PLAU: variants seen among roughly 807,000 people sequenced by gnomAD.
PLAU encodes the protein urokinase-type plasminogen activator.
PLAU carries 32 observed loss-of-function variants against 48.9 expected under a neutral mutation model. The observed-to-expected ratio is 0.65, with a 90% CI of 0.49 to 0.88. The LOEUF is 0.88. Among genes scored for constraint, PLAU ranks in the 40% least tolerant of loss-of-function variants. PLAU has a pLI of 0.00. For synonymous variants in PLAU, 199 were observed against 205.7 expected (o/e 0.97, Z 0.28); for missense variants, 455 against 545.2 (o/e 0.83, Z 1.65).
In PLAU at chr10:73,916,631, A is replaced by G. The variant is rs2096137679; in HGVS notation, c.*66A>G. On this transcript the variant is annotated 3_prime_UTR_variant, in exon 11 of 11. Coordinates refer to ENST00000372764, the MANE Select transcript of PLAU (RefSeq NM_002658.6). Reference sequence around the variant, plus strand: ...TGGTTGTCATTTTTGCAGTAGAGTCATCTCCATCAGCTGTAAGAAGAGACT... The same window carrying G: ...TGGTTGTCATTTTTGCAGTAGAGTCGTCTCCATCAGCTGTAAGAAGAGACT... 4.7e-6 allele frequency: 6 copies of G among 1,270,604 alleles called. No individual in the cohort carries two copies. In the South Asian group the frequency reaches 6.8e-5, roughly 14 times the overall value. 78.7% of individuals were successfully genotyped at this position (1,270,604 alleles called of 1,614,324 possible).
chr10:73,913,533 C>A lies in PLAU; in HGVS notation c.461-6C>A, dbSNP rs542595564. ...TCCCTAAGACATCCCTCTGTTTGTC[C>A]TCCAGGAAAAAAGCCCTCCTCTCCT... is the stretch of plus-strand genomic sequence containing the variant. On this transcript the variant is annotated splice_polypyrimidine_tract_variant and splice_region_variant and intron_variant, in intron 6 of 10. Transcript: ENST00000372764. 1 of 1,608,968 alleles carries A rather than the reference C, an allele frequency of 6.2e-7. No homozygotes were observed. Among genetic ancestry groups the A allele is most frequent in the East Asian group, 2.2e-5 (1 of 44,804 alleles).
chr10:73,914,815 A>G lies in PLAU; in HGVS notation c.869A>G (p.Gln290Arg), dbSNP rs772150449. ...KIRSKEGRCA[Q>R]PSRTIQTICL... ...CGTTCCAAGGAGGGCAGGTGTGCGC[A>G]GCCATCCCGGACTATACAGACCATC... Residue 290 changes from glutamine to arginine, a missense_variant, in exon 9 of 11, where the codon CAG (glutamine) becomes CGG (arginine). Gln to Arg is a conservative substitution (Grantham distance 43, BLOSUM62 1). Coordinates refer to ENST00000372764, the MANE Select transcript of PLAU (RefSeq NM_002658.6). 3.7e-6 allele frequency: 6 copies of G among 1,614,166 alleles called. No homozygotes were observed. The highest frequency in any genetic ancestry group is 1.3e-5 in the African/African-American group (1 of 75,060).
chr10:73,913,892 A>G, intron 7 of PLAU, 88 bp from the exon 8 acceptor site: 1 of 1,440,322 alleles, frequency 6.9e-7, no homozygotes, highest in African/African-American at 1.4e-5. Context: ...CCTTGGGGAC[A>G]AGTCGTGCTT....
intron 9 of PLAU, 73 bp downstream of exon 9, chr10:73,914,989 A>G: frequency 6.7e-7 from 1 of 1,499,314 alleles, no homozygotes; most frequent in South Asian, 1.2e-5. Context: ...CAGCGTGATC[A>G]AGGGAAGACT....
chr10:73,908,857 C>CAAA (rs11339212), upstream of PLAU, among the ~76,000 whole-genome samples: 6 of 102,646 alleles, frequency 5.8e-5, no homozygotes, highest in African/African-American at 1.8e-4. Flanking sequence ...GACTCCGTCT[C>CAAA]AAAAAAAAAA....
intron 5 of PLAU, 28 bp from the exon 6 acceptor site, chr10:73,913,262 G>A (rs574195820): frequency 6.2e-7 from 1 of 1,611,782 alleles, no homozygotes; most frequent in African/African-American, 1.3e-5. Context: ...GGGTTGGAAT[G>A]ACATCCCCTA....
At chr10:73,913,164 C>G in intron 5 of PLAU, 66 bp downstream of exon 5, 1 of 1,584,024 alleles carries the variant, frequency 6.3e-7, no homozygotes. Context: ...GTTACCATCC[C>G]CTTCTCCCAG....
rs528761202 is a variant in PLAU at position 73,913,637 on chromosome 10, A to C, written c.559A>C (p.Ile187Leu). Residue 187 changes from isoleucine (I) to leucine (L), a missense_variant, in exon 7 of 11, where the codon ATC (isoleucine) becomes CTC (leucine). Ile to Leu is a conservative substitution (Grantham distance 5, BLOSUM62 2). Transcript: ENST00000372764. ...GATTATTGGGGGAGAATTCACCACC[A>C]TCGAGAACCAGCCCTGGTTTGCGGC... is the stretch of plus-strand genomic sequence containing the variant. Reference protein sequence around the residue: ...FKIIGGEFTTIENQPWFAAIY... With the variant: ...FKIIGGEFTTLENQPWFAAIY... 1.2e-6 allele frequency: 2 copies of C among 1,613,870 alleles called. No individual in the cohort carries two copies. The highest frequency in any genetic ancestry group is 2.7e-5 in the African/African-American group (2 of 74,906).
chr10:73,915,662 C>A (rs1209624694), intron 10 of PLAU, among the ~76,000 whole-genome samples: 1 of 151,958 alleles, frequency 6.6e-6, no homozygotes, highest in Non-Finnish European at 1.5e-5. Flanking sequence ...AACTCAGTGC[C>A]CAGGGTGTGT....
intron 1 of PLAU, 43 bp from the exon 2 acceptor site, chr10:73,911,482 C>T: frequency 1.3e-6 from 2 of 1,567,220 alleles, no homozygotes; most frequent in Non-Finnish European, 8.6e-7. Flanking sequence ...GGCCTGCCTT[C>T]CCGTTCCTCC....
intron 6 of PLAU, 69 bp downstream of exon 6, chr10:73,913,450 T>C: frequency 6.4e-7 from 1 of 1,556,432 alleles, no homozygotes; most frequent in South Asian, 1.1e-5. Flanking sequence ...CCTTATTCCA[T>C]CACAGGAGGA....
chr10:73,914,811 G>A lies in PLAU; in HGVS notation c.865G>A (p.Ala289Thr), dbSNP rs1314761139. The A allele has an allele frequency of 6.2e-7, 1 of 1,614,012 alleles. No homozygotes were observed. Among genetic ancestry groups the A allele is most frequent in the African/African-American group, 1.3e-5 (1 of 74,928 alleles). The change falls in exon 9 of 11, where the codon GCG (alanine) becomes ACG (threonine). Residue 289 changes from alanine to threonine, a missense_variant. Ala to Thr is a moderately conservative substitution (Grantham distance 58, BLOSUM62 0). Transcript: ENST00000372764. ...LKIRSKEGRCAQPSRTIQTIC... is the reference protein window; with the variant it reads ...LKIRSKEGRCTQPSRTIQTIC... ...GATCCGTTCCAAGGAGGGCAGGTGTGCGCAGCCATCCCGGACTATACAGAC... is the reference window on the plus strand; with the variant it reads ...GATCCGTTCCAAGGAGGGCAGGTGTACGCAGCCATCCCGGACTATACAGAC...
Position 73,912,917 on chromosome 10 carries a change from C to CT in PLAU, c.194-5dup. Reference sequence around the variant, plus strand: ...TCATATTCTCTCATCCTCCTGTCCCCTTGTAGATAAGTCAAAAACCTGCTA... The same window carrying CT: ...TCATATTCTCTCATCCTCCTGTCCCCTTTGTAGATAAGTCAAAAACCTGCTA... On this transcript the variant is annotated splice_polypyrimidine_tract_variant and splice_region_variant and intron_variant, in intron 4 of 10. Coordinates refer to ENST00000372764, the MANE Select transcript of PLAU (RefSeq NM_002658.6). 6.2e-7 allele frequency: 1 copy of CT among 1,601,564 alleles called. No homozygotes were observed. Among genetic ancestry groups the CT allele is most frequent in the Non-Finnish European group, 8.5e-7 (1 of 1,173,644 alleles).
In PLAU at chr10:73,914,650, C is replaced by T. The variant is rs890470158; in HGVS notation, c.830-126C>T. On this transcript the variant is annotated intron_variant, in intron 8 of 10. Transcript: ENST00000372764. ...GGGAGGTTTCCAGGTGATAAGCGAC[C>T]AGCAGACCTCCCTGGATGACTGACC... 17 of 875,128 alleles carry T rather than the reference C, an allele frequency of 1.9e-5. No homozygotes were observed. In the Admixed American group the frequency reaches 2.4e-4, roughly 12 times the overall value. The allele number at this position is 875,128 out of a possible 1,614,324, so 54.2% of individuals were successfully genotyped here.
Position 73,914,885 on chromosome 10 carries a change from T to C in PLAU, c.939T>C (p.Cys313=), listed in dbSNP as rs1203895660. Residue 313 remains cysteine (C), a synonymous_variant, in exon 9 of 11, where the codon TGT becomes TGC. Coordinates refer to ENST00000372764, the MANE Select transcript of PLAU (RefSeq NM_002658.6). ...MYNDPQFGTS[C]EITGFGKENS... is the part of the protein sequence containing the mutation. ...ACGATCCCCAGTTTGGCACAAGCTG[T>C]GAGATCACTGGCTTTGGAAAAGAGA... 6.2e-7 allele frequency: 1 copy of C among 1,613,488 alleles called. No homozygotes were observed. Among genetic ancestry groups the C allele is most frequent in the Non-Finnish European group, 8.5e-7 (1 of 1,179,410 alleles).
At chr10:73,913,187 A>T (rs1054946224) in intron 5 of PLAU, 89 bp downstream of exon 5, 1 of 1,574,858 alleles carries the variant, frequency 6.3e-7, no homozygotes, top group African/African-American at 1.3e-5. Flanking sequence ...GGCTGGCCAT[A>T]GCACAAGAGA....
Position 73,911,550 on chromosome 10 carries a change from G to T in PLAU, c.-6G>T. Reference sequence around the variant, plus strand: ...AGCCGCCGTCTAGCGCCCCGACCTCGCCACCATGAGAGCCCTGCTGGCGCG... The same window carrying T: ...AGCCGCCGTCTAGCGCCCCGACCTCTCCACCATGAGAGCCCTGCTGGCGCG... On this transcript the variant is annotated 5_prime_UTR_variant, in exon 2 of 11. Transcript: ENST00000372764. 1 of 1,611,984 alleles carries T rather than the reference G, an allele frequency of 6.2e-7. No individual in the cohort carries two copies.
chr10:73,909,513 C>T (rs1056888386), upstream of PLAU, among the ~76,000 whole-genome samples: 2 of 152,186 alleles, frequency 1.3e-5, no homozygotes, highest in African/African-American at 2.4e-5. Flanking sequence ...CACCTGCCTC[C>T]CAAAAGCTGA....
At position 73,916,646 on chromosome 10, in the gene PLAU, A is replaced by C. The variant is rs951858359; in HGVS notation, c.*81A>C. ...CAGTAGAGTCATCTCCATCAGCTGT[A>C]AGAAGAGACTGGGAAGATAGGCTCT... On this transcript the variant is annotated 3_prime_UTR_variant, in exon 11 of 11. Transcript: ENST00000372764. The C allele has an allele frequency of 4.4e-6, 5 of 1,129,746 alleles. No homozygotes were observed. Among genetic ancestry groups the C allele is most frequent in the Non-Finnish European group, 6.3e-6 (5 of 793,164 alleles). 70.0% of individuals were successfully genotyped at this position (1,129,746 alleles called of 1,614,324 possible).
Sources: allele counts gnomAD v4.1 joint callset (sites outside exome capture counted in the v4.1 genomes callset), GRCh38; gene constraint gnomAD v4.1.1; transcripts MANE v1.5; gene names NCBI Gene and HGNC (gene_info 2026-07-23, HGNC 2026-07-21).